NLK: variants seen among roughly 807,000 people sequenced by gnomAD.
NLK encodes nemo like kinase, also known as serine/threonine-protein kinase NLK.
NLK carries 11 observed loss-of-function variants against 59.0 expected under a neutral mutation model. The ratio of observed to expected loss-of-function variants is 0.19; its 90% confidence interval spans 0.12 to 0.31. NLK has a LOEUF of 0.31. Among genes scored for constraint, NLK ranks in the 10% least tolerant of loss-of-function variants. NLK has a pLI of 1.00. For synonymous variants in NLK, 235 were observed against 235.9 expected, an observed-to-expected ratio of 1.00 and a Z score of 0.03; for missense variants, 410 against 661.1, an observed-to-expected ratio of 0.62 and a Z score of 4.16.
chr17:28,047,694 A>T (rs181394486), intron 1 of NLK, among the ~76,000 whole-genome samples: 1 of 152,250 alleles, frequency 6.6e-6, no homozygotes, highest in Non-Finnish European at 1.5e-5. Context: ...ATTACTCAGT[A>T]TAAGCCCTTG....
intron 3 of NLK, among the ~76,000 whole-genome samples, chr17:28,153,019 A>G (rs1907550175): frequency 1.3e-5 from 2 of 151,820 alleles, no homozygotes; most frequent in Non-Finnish European, 1.5e-5. Flanking sequence ...CATGCCTGTA[A>G]TCCCAGCACT....
chr17:28,182,054 T>C (rs1029103251), intron 7 of NLK, among the ~76,000 whole-genome samples: 2 of 152,136 alleles, frequency 1.3e-5, no homozygotes, highest in African/African-American at 4.8e-5. Context: ...AGAACTAAAG[T>C]AAACTTCAGA....
chr17:28,199,678 A>C (rs1231055406), downstream of NLK, among the ~76,000 whole-genome samples: 1 of 46,728 alleles, frequency 2.1e-5, no homozygotes, highest in South Asian at 8.5e-4. Flanking sequence ...AAAAAAAAAA[A>C]AAAAAACAAA....
intron 1 of NLK, among the ~76,000 whole-genome samples, chr17:28,082,730 A>G (rs1567709017): frequency 1.3e-5 from 2 of 152,208 alleles, no homozygotes; most frequent in Admixed American, 1.3e-4. Context: ...GTCTTTTTGA[A>G]TTGAGTAGAG....
intron 1 of NLK, among the ~76,000 whole-genome samples, chr17:28,058,661 A>G (rs1909524014): frequency 6.6e-6 from 1 of 152,148 alleles, no homozygotes; most frequent in South Asian, 2.1e-4. Context: ...TTAGGAGGCT[A>G]TGGCAGGAGG....
At chr17:28,142,928 G>A (rs1907070141) in intron 3 of NLK, among the ~76,000 whole-genome samples, 1 of 152,188 alleles carries the variant, frequency 6.6e-6, no homozygotes. Context: ...GTGGCTTGAG[G>A]GGGCCAGGCT....
intron 1 of NLK, among the ~76,000 whole-genome samples, chr17:28,050,853 C>T (rs546515439): frequency 9.2e-5 from 14 of 151,998 alleles, no homozygotes; most frequent in African/African-American, 3.4e-4. Flanking sequence ...ACCTGTAAAC[C>T]CAGCACTTTG....
chr17:28,094,155 T>C (rs1229667647), intron 1 of NLK, among the ~76,000 whole-genome samples: 1 of 152,190 alleles, frequency 6.6e-6, no homozygotes, highest in African/African-American at 2.4e-5. Flanking sequence ...TCATGAGAGA[T>C]TATATTAAGC....
intron 1 of NLK, among the ~76,000 whole-genome samples, chr17:28,049,472 T>G (rs1276537948): frequency 3.3e-5 from 5 of 152,218 alleles, no homozygotes; most frequent in Non-Finnish European, 5.9e-5. Context: ...TTTAGTCTTA[T>G]AAATAATTTT....
At chr17:28,057,746 A>AT (rs1032783370) in intron 1 of NLK, among the ~76,000 whole-genome samples, 15 of 152,136 alleles carry the variant, frequency 9.9e-5, no homozygotes, top group Non-Finnish European at 1.5e-5. Context: ...TGATGCTATG[A>AT]TTTGTGTCAC....
chr17:28,074,066 G>T (rs1910095072), intron 1 of NLK, among the ~76,000 whole-genome samples: 1 of 152,192 alleles, frequency 6.6e-6, no homozygotes, highest in African/African-American at 2.4e-5. Flanking sequence ...ACACGTTGAA[G>T]ATAAAATAAT....
Position 28,100,030 on chromosome 17 carries a change from A to G in NLK, c.459-22573A>G, listed in dbSNP as rs142683967. On this transcript the variant is annotated intron_variant, in intron 1 of 10. Transcript: ENST00000407008. ...CTTGATTAGCATCTGGATTGTGCCA[A>G]AGTTTTGGCTTTTATGAATCACACA... 3.1e-3 allele frequency among the ~76,000 whole-genome samples: 472 copies of G among 152,240 alleles called. 4 individuals carry two copies. The highest frequency in any genetic ancestry group is 0.011 in the African/African-American group (447 of 41,542).
chr17:28,092,265 G>A (rs148403200), intron 1 of NLK, among the ~76,000 whole-genome samples: 8 of 151,608 alleles, frequency 5.3e-5, no homozygotes, highest in South Asian at 2.1e-4. Flanking sequence ...AAGAAAAGGC[G>A]GGGGGGTGGG....
chr17:28,130,914 T>C (rs963956266), intron 2 of NLK, among the ~76,000 whole-genome samples: 2 of 152,116 alleles, frequency 1.3e-5, no homozygotes, highest in Admixed American at 6.6e-5. Flanking sequence ...AATGCATCTG[T>C]CATATGAAAA....
intron 3 of NLK, among the ~76,000 whole-genome samples, chr17:28,156,164 A>G (rs1004246563): frequency 3.9e-5 from 6 of 152,208 alleles, no homozygotes; most frequent in African/African-American, 1.4e-4. Context: ...CAAAAATATA[A>G]GAGCCAGTAG....
intron 1 of NLK, among the ~76,000 whole-genome samples, chr17:28,047,193 A>G (rs1165671555): frequency 6.6e-6 from 1 of 152,230 alleles, no homozygotes; most frequent in African/African-American, 2.4e-5. Flanking sequence ...GCATCAATAA[A>G]TGTTAGTTGT....
At chr17:28,177,061 A>G (rs1597723845) in intron 7 of NLK, among the ~76,000 whole-genome samples, 1 of 152,324 alleles carries the variant, frequency 6.6e-6, no homozygotes, top group East Asian at 1.9e-4. Flanking sequence ...TAAGGAAGAG[A>G]AAATAGACTG....
chr17:28,064,594 CATT>C (rs1239826685), intron 1 of NLK, among the ~76,000 whole-genome samples: 1 of 152,162 alleles, frequency 6.6e-6, no homozygotes, highest in African/African-American at 2.4e-5. Flanking sequence ...GATGGGGTCT[CATT>C]ATGTTGCCTA....
intron 1 of NLK, among the ~76,000 whole-genome samples, chr17:28,081,859 C>A (rs1013882594): frequency 2.0e-5 from 3 of 152,262 alleles, no homozygotes; most frequent in Admixed American, 2.0e-4. Flanking sequence ...CAAAGGGACA[C>A]TTCTCCTCTC....
Sources: allele counts gnomAD v4.1 joint callset (sites outside exome capture counted in the v4.1 genomes callset), GRCh38; gene constraint gnomAD v4.1.1; transcripts MANE v1.5; gene names NCBI Gene and HGNC (gene_info 2026-07-23, HGNC 2026-07-21).